The following MCTP1 variants were observed in gnomAD, a reference collection of about 807,000 sequenced individuals.
The protein encoded by MCTP1 is multiple C2 and transmembrane domain-containing protein 1.
Under a neutral mutation model 120.6 loss-of-function variants are expected in MCTP1, and 69 were observed. That is an observed-to-expected ratio of 0.57 (90% confidence interval 0.47 to 0.70). The LOEUF is 0.70. MCTP1 is among the 30% of genes least tolerant of loss of function. MCTP1 has a pLI of 0.00. For synonymous variants in MCTP1, 529 were observed against 493.1 expected, an observed-to-expected ratio of 1.07 and a Z score of -0.96; for missense variants, 1,203 against 1,248.8, an observed-to-expected ratio of 0.96 and a Z score of 0.55.
intron 1 of MCTP1, among the ~76,000 whole-genome samples, chr5:95,080,356 T>C (rs979124717): frequency 6.6e-6 from 1 of 152,196 alleles, no homozygotes; most frequent in African/African-American, 2.4e-5. Flanking sequence ...ATTCTCCAAT[T>C]TGGAATACAG....
chr5:94,729,003 A>G (rs1762632072), intron 19 of MCTP1, among the ~76,000 whole-genome samples: 1 of 152,260 alleles, frequency 6.6e-6, no homozygotes, highest in Non-Finnish European at 1.5e-5. Context: ...AAGCAAATAC[A>G]TGGATAAACA....
intron 1 of MCTP1, among the ~76,000 whole-genome samples, chr5:95,079,546 T>C (rs1754405089): frequency 6.6e-6 from 1 of 152,122 alleles, no homozygotes; most frequent in Non-Finnish European, 1.5e-5. Flanking sequence ...CTTCATCTCT[T>C]AATGGTCATA....
At chr5:95,161,956 G>A (rs1745788074) in intron 1 of MCTP1, among the ~76,000 whole-genome samples, 1 of 152,130 alleles carries the variant, frequency 6.6e-6, no homozygotes, top group African/African-American at 2.4e-5. Flanking sequence ...TGATCAAGTG[G>A]GGAGATGTTA....
intron 2 of MCTP1, among the ~76,000 whole-genome samples, chr5:94,957,653 A>G (rs1822978111): frequency 6.6e-6 from 1 of 151,998 alleles, no homozygotes; most frequent in Non-Finnish European, 1.5e-5. Flanking sequence ...ACCAATGAAG[A>G]TTAAAAAAAA....
intron 19 of MCTP1, among the ~76,000 whole-genome samples, chr5:94,755,716 C>T (rs1157779048): frequency 1.3e-5 from 2 of 152,176 alleles, no homozygotes; most frequent in South Asian, 2.1e-4. Flanking sequence ...TTTCATCCTC[C>T]CGTTGCCCTT....
intron 7 of MCTP1, among the ~76,000 whole-genome samples, chr5:94,919,832 T>G (rs2153456362): frequency 6.6e-6 from 1 of 152,358 alleles, no homozygotes; most frequent in East Asian, 1.9e-4. Flanking sequence ...TGTTCTGCCA[T>G]CCACCCATCC....
intron 1 of MCTP1, among the ~76,000 whole-genome samples, chr5:95,120,864 C>A (rs1758168012): frequency 6.6e-6 from 1 of 152,144 alleles, no homozygotes; most frequent in Non-Finnish European, 1.5e-5. Context: ...GAAACAAGGG[C>A]ATCCAAATTG....
intron 1 of MCTP1, among the ~76,000 whole-genome samples, chr5:95,174,662 G>A (rs1430074590): frequency 6.6e-6 from 1 of 152,166 alleles, no homozygotes; most frequent in Non-Finnish European, 1.5e-5. Context: ...TAATTCACAT[G>A]TAAAATGGGG....
At chr5:95,190,165 G>A (rs1749668777) in intron 1 of MCTP1, among the ~76,000 whole-genome samples, 2 of 152,042 alleles carry the variant, frequency 1.3e-5, no homozygotes, top group South Asian at 4.1e-4. Context: ...ATTACAGCCT[G>A]AAAGGGAAAT....
intron 1 of MCTP1, among the ~76,000 whole-genome samples, chr5:95,155,009 C>A (rs1744946249): frequency 6.6e-6 from 1 of 151,940 alleles, no homozygotes; most frequent in Admixed American, 6.6e-5. Context: ...AATTATAAGC[C>A]TGTATAATTT....
At chr5:95,039,019 T>C (rs1174527937) in intron 1 of MCTP1, among the ~76,000 whole-genome samples, 1 of 152,080 alleles carries the variant, frequency 6.6e-6, no homozygotes, top group African/African-American at 2.4e-5. Flanking sequence ...TTTTTTCTCT[T>C]CAAATCCATC....
chr5:95,004,052 T>A (rs1834214373), intron 2 of MCTP1, among the ~76,000 whole-genome samples: 1 of 152,208 alleles, frequency 6.6e-6, no homozygotes. Flanking sequence ...AGGTCTCAGA[T>A]GAAGGTGAGA....
chr5:94,945,542 C>T (rs537502414), intron 3 of MCTP1, among the ~76,000 whole-genome samples: 3 of 152,182 alleles, frequency 2.0e-5, no homozygotes, highest in African/African-American at 7.2e-5. Flanking sequence ...TTGGTGAGCA[C>T]CCACAATGTT....
At chr5:95,044,868 C>T (rs2151938173) in intron 1 of MCTP1, among the ~76,000 whole-genome samples, 1 of 152,198 alleles carries the variant, frequency 6.6e-6, no homozygotes, top group Non-Finnish European at 1.5e-5. Context: ...GGGCAGCAGA[C>T]TTCTAAGTGA....
At chr5:94,904,528 G>A (rs17084234) in intron 10 of MCTP1, among the ~76,000 whole-genome samples, 1,651 of 152,232 alleles carry the variant, frequency 0.011, 7 homozygotes, top group Middle Eastern at 0.024. Context: ...AAAAGTTATA[G>A]TAAGTGTCTT....
Position 95,225,716 on chromosome 5 carries a change from C to G in MCTP1, c.720+58140G>C, listed in dbSNP as rs115061567. Among the ~76,000 whole-genome samples the G allele has an allele frequency of 5.3e-3, 805 of 152,210 alleles. 11 individuals are homozygous for G. The highest frequency in any genetic ancestry group is 0.018 in the African/African-American group (754 of 41,536). ...CTCAGGGTTTCATCTCTCTCCTTTA[C>G]ATCTTCTTGCTCCGTTCTGGGTTTT... On this transcript the variant is annotated intron_variant, in intron 1 of 22. Transcript: ENST00000515393.
chr5:94,826,772 C>CTTTTTTTTTTTTTTTTTTTTTTTTTTT (rs61324420), intron 17 of MCTP1: 1 of 42,866 alleles, frequency 2.3e-5, no homozygotes, highest in Non-Finnish European at 3.5e-5. Context: ...GTGACCCCTG[C>CTTTTTTTTTTTTTTTTTTTTTTTTTTT]TTTTTTTTTT....
chr5:94,870,807 A>C, intron 15 of MCTP1, 65 bp downstream of exon 15: 2 of 1,113,576 alleles, frequency 1.8e-6, no homozygotes, highest in Non-Finnish European at 2.7e-6. Flanking sequence ...TCTACAAATC[A>C]GGAACAAAAG....
intron 4 of MCTP1, 66 bp downstream of exon 4, chr5:94,942,282 C>T: frequency 8.3e-7 from 1 of 1,206,794 alleles, no homozygotes; most frequent in Non-Finnish European, 1.2e-6. Flanking sequence ...GATCAGCTGA[C>T]ATTTTCTGTT....
Sources: allele counts gnomAD v4.1 joint callset (sites outside exome capture counted in the v4.1 genomes callset), GRCh38; gene constraint gnomAD v4.1.1; transcripts MANE v1.5; gene names NCBI Gene and HGNC (gene_info 2026-07-23, HGNC 2026-07-21).